The following AGBL1 variants were observed in gnomAD, a reference collection of about 807,000 sequenced individuals.
AGBL1 encodes cytosolic carboxypeptidase 4.
A neutral mutation model predicts 118.9 loss-of-function variants in AGBL1; 130 were observed. The observed-to-expected ratio is 1.09, with a 90% confidence interval of 0.95 to 1.26. The LOEUF (loss-of-function observed/expected upper bound fraction) is 1.26, where lower values mean the gene tolerates loss of function less well. Among genes scored for constraint, AGBL1 ranks in the 50% most tolerant of loss-of-function variants. AGBL1 has a pLI of 0.00. For synonymous variants in AGBL1, 555 were observed against 478.9 expected (o/e 1.16, Z -2.08); for missense variants, 1,584 against 1,298.1 (o/e 1.22, Z -3.38).
intron 21 of AGBL1, among the ~76,000 whole-genome samples, chr15:86,590,663 A>C (rs918563853): frequency 5.9e-5 from 9 of 152,216 alleles, no homozygotes; most frequent in Non-Finnish European, 1.2e-4. Flanking sequence ...AATAGATAGT[A>C]AATGTTTCCT....
At chr15:86,309,186 G>A (rs2079884181) in intron 17 of AGBL1, among the ~76,000 whole-genome samples, 2 of 152,046 alleles carry the variant, frequency 1.3e-5, no homozygotes, top group East Asian at 1.9e-4. Context: ...TTGTAAATGA[G>A]ATTTTTTAAA....
intron 23 of AGBL1, among the ~76,000 whole-genome samples, chr15:86,940,060 CTTTTTTTTTT>C (rs5814267): frequency 5.0e-5 from 3 of 59,418 alleles, no homozygotes; most frequent in African/African-American, 6.2e-5. Flanking sequence ...TTTGGTAGTC[CTTTTTTTTTT>C]TTTTTTTTTT....
At chr15:86,104,054 G>GTGCCCGCTGTGCTGGTAGC (rs1333312718) in intron 1 of AGBL1, among the ~76,000 whole-genome samples, 3 of 152,328 alleles carry the variant, frequency 2.0e-5, no homozygotes, top group East Asian at 3.9e-4. Flanking sequence ...ATGCAGGTGG[G>GTGCCCGCTGTGCTGGTAGC]TGCCCGCTGT....
At chr15:86,311,074 A>G (rs1424596924) in intron 17 of AGBL1, among the ~76,000 whole-genome samples, 1 of 152,168 alleles carries the variant, frequency 6.6e-6, no homozygotes, top group Non-Finnish European at 1.5e-5. Context: ...CAAGGTCTCC[A>G]AGGCTCAGTT....
intron 22 of AGBL1, among the ~76,000 whole-genome samples, chr15:86,848,545 A>G (rs956384300): frequency 4.6e-5 from 7 of 152,176 alleles, no homozygotes; most frequent in African/African-American, 1.7e-4. Flanking sequence ...TTTATAATAC[A>G]TGGTCCCAAG....
chr15:86,942,789 C>T (rs1169071848), intron 23 of AGBL1, among the ~76,000 whole-genome samples: 4 of 152,156 alleles, frequency 2.6e-5, no homozygotes, highest in African/African-American at 9.7e-5. Flanking sequence ...TATTTCATTC[C>T]AGTTCATTTC....
intron 1 of AGBL1, among the ~76,000 whole-genome samples, chr15:86,105,761 A>G (rs1255490931): frequency 4.6e-5 from 7 of 152,200 alleles, no homozygotes; most frequent in East Asian, 1.9e-4. Context: ...AGTGTCTTCT[A>G]TTCTCTTCTA....
chr15:86,817,497 A>G (rs2078877840), intron 22 of AGBL1, among the ~76,000 whole-genome samples: 2 of 107,004 alleles, frequency 1.9e-5, no homozygotes, highest in African/African-American at 3.7e-5. Context: ...CACACAGAGG[A>G]GAGAGAGAGA....
intron 22 of AGBL1, among the ~76,000 whole-genome samples, chr15:86,702,118 T>C (rs950267207): frequency 2.0e-5 from 3 of 152,102 alleles, no homozygotes; most frequent in African/African-American, 4.8e-5. Flanking sequence ...CCATAGCTCA[T>C]ATTAAACAAA....
intron 19 of AGBL1, among the ~76,000 whole-genome samples, chr15:86,536,303 G>A (rs1244068311): frequency 1.3e-5 from 2 of 152,102 alleles, no homozygotes; most frequent in Non-Finnish European, 2.9e-5. Flanking sequence ...CTGAAAATCT[G>A]GGATATTCTT....
At chr15:86,820,930 A>C (rs559290951) in intron 22 of AGBL1, among the ~76,000 whole-genome samples, 7 of 152,262 alleles carry the variant, frequency 4.6e-5, no homozygotes, top group African/African-American at 1.7e-4. Flanking sequence ...GGAACCAACC[A>C]AAATGCCCAT....
At chr15:86,221,668 C>T (rs1411451994) in intron 5 of AGBL1, among the ~76,000 whole-genome samples, 2 of 152,136 alleles carry the variant, frequency 1.3e-5, no homozygotes, top group Non-Finnish European at 2.9e-5. Context: ...GAAGTGCTTT[C>T]AGTTTGCTCA....
At chr15:86,936,889 T>C (rs1162924244) in intron 23 of AGBL1, among the ~76,000 whole-genome samples, 1 of 152,168 alleles carries the variant, frequency 6.6e-6, no homozygotes, top group Non-Finnish European at 1.5e-5. Context: ...GGAGAAAATA[T>C]TTTCCAACTA....
At chr15:86,306,003 A>G (rs2141812621) in intron 17 of AGBL1, among the ~76,000 whole-genome samples, 1 of 151,978 alleles carries the variant, frequency 6.6e-6, no homozygotes, top group East Asian at 1.9e-4. Context: ...AATTTTTTTT[A>G]ATTTAATTTT....
At chr15:86,087,993 C>G (rs1895776408) in intron 1 of AGBL1, 1 of 152,338 alleles carries the variant, frequency 6.6e-6, no homozygotes. Context: ...GATCAGCATT[C>G]TTTCTGCAAA....
chr15:86,604,253 C>T (rs1223684352), intron 21 of AGBL1, among the ~76,000 whole-genome samples: 2 of 152,020 alleles, frequency 1.3e-5, no homozygotes, highest in Non-Finnish European at 2.9e-5. Context: ...TGATAATTAA[C>T]ATTCTCATTA....
chr15:86,446,445 C>G (rs1314680530), intron 18 of AGBL1, among the ~76,000 whole-genome samples: 1 of 152,198 alleles, frequency 6.6e-6, no homozygotes, highest in Non-Finnish European at 1.5e-5. Flanking sequence ...AGTGAATGCT[C>G]TGAAGCCAGT....
In AGBL1 at chr15:86,279,690, C is replaced by G. The variant is rs989430663; in HGVS notation, c.2127C>G (p.Cys709Trp). 2 of 1,613,210 alleles carry G rather than the reference C, an allele frequency of 1.2e-6. No individual in the cohort carries two copies. Among genetic ancestry groups the G allele is most frequent in the African/African-American group, 1.3e-5 (1 of 74,882 alleles). The stretch of plus-strand genomic sequence containing the variant: ...TTGCAGGCGGAGCATCTGGGAAGTG[C>G]TACTATACCCTCACCTTTGCTGTCA... ...TAVAGGASGKCYYTLTFAVTF... is the reference protein window; with the variant it reads ...TAVAGGASGKWYYTLTFAVTF... Residue 709 changes from cysteine to tryptophan, a missense_variant, in exon 16 of 23, where the codon TGC becomes TGG. Transcript: ENST00000614907.
At chr15:86,497,305 A>T (rs2082866734) in intron 18 of AGBL1, among the ~76,000 whole-genome samples, 1 of 151,912 alleles carries the variant, frequency 6.6e-6, no homozygotes, top group South Asian at 2.1e-4. Context: ...CATGTCTGAA[A>T]ATGTCTTTAT....
Sources: allele counts gnomAD v4.1 joint callset (sites outside exome capture counted in the v4.1 genomes callset), GRCh38; gene constraint gnomAD v4.1.1; transcripts MANE v1.5; gene names NCBI Gene and HGNC (gene_info 2026-07-23, HGNC 2026-07-21).